The following DSCAM variants were observed in gnomAD, a reference collection of about 807,000 sequenced individuals.
DSCAM encodes the protein DS cell adhesion molecule, also known as cell adhesion molecule DSCAM.
Under a neutral mutation model 217.7 loss-of-function variants are expected in DSCAM, and 47 were observed. The ratio of observed to expected loss-of-function variants is 0.22; its 90% confidence interval spans 0.17 to 0.28. The LOEUF (loss-of-function observed/expected upper bound fraction) is 0.28, where lower values mean the gene tolerates loss of function less well. DSCAM is among the 10% of genes least tolerant of loss of function. The pLI is 1.00. For missense variants in DSCAM, 2,080 were observed against 2,618.3 expected (o/e 0.79, Z 4.49); for synonymous variants, 1,056 against 1,015.3 (o/e 1.04, Z -0.76).
chr21:40,587,574 AAAC>A (rs2076955570), intron 3 of DSCAM, among the ~76,000 whole-genome samples: 1 of 152,272 alleles, frequency 6.6e-6, no homozygotes, highest in African/African-American at 2.4e-5. Context: ...GCCTTTCAAT[AAAC>A]ATCATCTCTA....
At chr21:40,057,643 G>A (rs532086990) in intron 28 of DSCAM, among the ~76,000 whole-genome samples, 1 of 152,264 alleles carries the variant, frequency 6.6e-6, no homozygotes, top group African/African-American at 2.4e-5. Context: ...CAGGAAGCAG[G>A]CTAAATAATG....
chr21:40,255,720 TG>T (rs941407945), intron 11 of DSCAM, among the ~76,000 whole-genome samples: 8 of 152,182 alleles, frequency 5.3e-5, no homozygotes, highest in Non-Finnish European at 7.3e-5. Flanking sequence ...ACCCCACACT[TG>T]GCTAATTCTG....
chr21:40,196,936 C>T (rs2091016583), intron 11 of DSCAM, among the ~76,000 whole-genome samples: 1 of 152,174 alleles, frequency 6.6e-6, no homozygotes, highest in Non-Finnish European at 1.5e-5. Context: ...ATAGACAAAA[C>T]ATTTCCAGCA....
intron 3 of DSCAM, among the ~76,000 whole-genome samples, chr21:40,485,543 A>C (rs945205870): frequency 1.3e-5 from 2 of 152,040 alleles, no homozygotes; most frequent in Non-Finnish European, 2.9e-5. Context: ...CGCCCGGCCC[A>C]CACTGACTTT....
chr21:40,718,118 C>T (rs1190789618), intron 1 of DSCAM, among the ~76,000 whole-genome samples: 1 of 152,170 alleles, frequency 6.6e-6, no homozygotes, highest in African/African-American at 2.4e-5. Flanking sequence ...TAATTGCTTG[C>T]ATACCCAGTT....
intron 11 of DSCAM, among the ~76,000 whole-genome samples, chr21:40,192,775 A>G (rs1029050568): frequency 1.3e-5 from 2 of 152,142 alleles, no homozygotes; most frequent in African/African-American, 4.8e-5. Context: ...TTGCTAAATG[A>G]TATTGCAGCA....
chr21:40,334,063 G>A (rs1472361391), intron 8 of DSCAM, among the ~76,000 whole-genome samples: 1 of 152,132 alleles, frequency 6.6e-6, no homozygotes, highest in East Asian at 1.9e-4. Context: ...ATTTGGTGAA[G>A]GGTTCTAATG....
At chr21:40,327,840 G>C (rs1056863365) in intron 8 of DSCAM, among the ~76,000 whole-genome samples, 1 of 151,924 alleles carries the variant, frequency 6.6e-6, no homozygotes, top group Non-Finnish European at 1.5e-5. Flanking sequence ...AGTAGTGTTT[G>C]TATACACTAA....
intron 3 of DSCAM, among the ~76,000 whole-genome samples, chr21:40,545,709 T>C (rs1401769454): frequency 2.0e-5 from 3 of 152,196 alleles, no homozygotes; most frequent in Admixed American, 6.5e-5. Context: ...ACTGCAGGCA[T>C]TGAGCTGGCA....
chr21:40,108,663 T>G (rs1004158644), intron 20 of DSCAM, among the ~76,000 whole-genome samples: 1 of 152,116 alleles, frequency 6.6e-6, no homozygotes, highest in Non-Finnish European at 1.5e-5. Flanking sequence ...AAAAATTCAG[T>G]TGGAACCAAA....
chr21:40,502,617 G>A (rs2178844), intron 3 of DSCAM, among the ~76,000 whole-genome samples: 76,746 of 151,990 alleles, frequency 0.5, 20,077 homozygotes, highest in African/African-American at 0.65. Flanking sequence ...ATGGCCCATC[G>A]AGTTTCCCAT....
At chr21:40,195,765 G>C (rs2091000932) in intron 11 of DSCAM, among the ~76,000 whole-genome samples, 1 of 152,104 alleles carries the variant, frequency 6.6e-6, no homozygotes, top group Non-Finnish European at 1.5e-5. Flanking sequence ...CCGGGTGGGA[G>C]GTCAAAAGAA....
At chr21:40,103,735 C>T (rs2089782909) in intron 20 of DSCAM, among the ~76,000 whole-genome samples, 1 of 150,908 alleles carries the variant, frequency 6.6e-6, no homozygotes, top group Admixed American at 6.6e-5. Context: ...TAACTATATA[C>T]ATAGACTATT....
At chr21:40,430,949 C>T (rs909944211) in intron 3 of DSCAM, among the ~76,000 whole-genome samples, 1 of 152,222 alleles carries the variant, frequency 6.6e-6, no homozygotes, top group African/African-American at 2.4e-5. Context: ...GAGAGAGAAG[C>T]CGCTACTGAG....
At chr21:40,487,322 TGTGTGAGAGAGAGAGAGAGA>T (rs746744162) in intron 3 of DSCAM, among the ~76,000 whole-genome samples, 4 of 138,430 alleles carry the variant, frequency 2.9e-5, no homozygotes, top group East Asian at 2.2e-4. Context: ...TGTGTGTGTG[TGTGTGAGAGAGAGAGAGAGA>T]GAGAGAGAGA....
chr21:40,159,572 A>G (rs1312054933), intron 16 of DSCAM, among the ~76,000 whole-genome samples: 1 of 152,140 alleles, frequency 6.6e-6, no homozygotes, highest in Non-Finnish European at 1.5e-5. Context: ...CTACCCATCT[A>G]TTTTTAAAAA....
At chr21:40,794,969 C>T (rs960970145) in intron 1 of DSCAM, among the ~76,000 whole-genome samples, 1 of 148,766 alleles carries the variant, frequency 6.7e-6, no homozygotes, top group African/African-American at 2.5e-5. Context: ...GACTACGTAT[C>T]CCTTGGTCTA....
At chr21:40,748,224 G>A (rs1601206372) in intron 1 of DSCAM, among the ~76,000 whole-genome samples, 1 of 151,864 alleles carries the variant, frequency 6.6e-6, no homozygotes, top group East Asian at 1.9e-4. Context: ...AGAGTAATTA[G>A]GCAAGGGAAA....
At chr21:40,302,290 G>A (rs1228153377) in intron 9 of DSCAM, among the ~76,000 whole-genome samples, 2 of 151,986 alleles carry the variant, frequency 1.3e-5, no homozygotes, top group Non-Finnish European at 2.9e-5. Context: ...TAACCACGGG[G>A]GGCGGATCTT....
Sources: allele counts gnomAD v4.1 joint callset (sites outside exome capture counted in the v4.1 genomes callset), GRCh38; gene constraint gnomAD v4.1.1; transcripts MANE v1.5; gene names NCBI Gene and HGNC (gene_info 2026-07-23, HGNC 2026-07-21).